HSPA12A: variants seen among roughly 807,000 people sequenced by gnomAD.
HSPA12A encodes the protein heat shock protein family A (Hsp70) member 12A.
A neutral mutation model predicts 69.2 loss-of-function variants in HSPA12A; 28 were observed. The observed-to-expected ratio is 0.40, with a 90% confidence interval of 0.30 to 0.55. The LOEUF is 0.55. Ranked by LOEUF, HSPA12A falls within the 20% of genes least tolerant of loss-of-function variation. The probability of loss-of-function intolerance (pLI) is 0.38; values close to 1 mark genes in which losing one functional copy is unlikely to be tolerated. For missense variants in HSPA12A, 686 were observed against 900.7 expected (o/e 0.76, Z 3.05); for synonymous variants, 345 against 370.5 (o/e 0.93, Z 0.79).
At chr10:116,834,223 G>C (rs1055264604) in intron 2 of HSPA12A, among the ~76,000 whole-genome samples, 8 of 152,204 alleles carry the variant, frequency 5.3e-5, no homozygotes, top group Non-Finnish European at 1.2e-4. Context: ...GGAGGCCCCA[G>C]GCAGCCACAA....
At chr10:116,816,296 G>A (rs1230896407) in intron 2 of HSPA12A, among the ~76,000 whole-genome samples, 1 of 152,314 alleles carries the variant, frequency 6.6e-6, no homozygotes, top group Non-Finnish European at 1.5e-5. Flanking sequence ...AAACATTCCC[G>A]AAACCATTGT....
intron 2 of HSPA12A, among the ~76,000 whole-genome samples, chr10:116,762,913 C>T (rs1844003255): frequency 1.3e-5 from 2 of 152,296 alleles, no homozygotes; most frequent in Admixed American, 6.5e-5. Context: ...GGGCATCCCT[C>T]CTCTGGGAAG....
upstream of HSPA12A, chr10:116,849,867 G>A: frequency 1.9e-6 from 2 of 1,031,274 alleles, no homozygotes. Flanking sequence ...TGCGTGTGCG[G>A]AGGAGACTTC....
At chr10:116,840,161 T>G (rs184398945) in intron 1 of HSPA12A, among the ~76,000 whole-genome samples, 182 of 152,324 alleles carry the variant, frequency 1.2e-3, no homozygotes, top group Middle Eastern at 3.4e-3. Flanking sequence ...CATATCCTGT[T>G]TTGCAGACTT....
intron 2 of HSPA12A, among the ~76,000 whole-genome samples, chr10:116,788,553 C>T (rs1253467096): frequency 3.3e-5 from 5 of 152,152 alleles, no homozygotes; most frequent in African/African-American, 9.7e-5. Context: ...TGATCTGTAG[C>T]TCTTGCTAGC....
At chr10:116,751,176 T>C in intron 2 of HSPA12A, 1 of 236,836 alleles carries the variant, frequency 4.2e-6, no homozygotes, top group Non-Finnish European at 8.9e-6. Context: ...GGCAAAACTG[T>C]CCCAAAATGT....
intron 1 of HSPA12A, among the ~76,000 whole-genome samples, chr10:116,718,963 A>G (rs576704602): frequency 5.3e-5 from 8 of 152,152 alleles, no homozygotes; most frequent in African/African-American, 1.2e-4. Context: ...AATACTTGCT[A>G]CATGCCGGGT....
At position 116,769,451 on chromosome 10, in the gene HSPA12A, G is replaced by A. The variant is rs544795886; in HGVS notation, c.92-62166C>T. Among the ~76,000 whole-genome samples, 5 of 152,286 alleles carry A rather than the reference G, an allele frequency of 3.3e-5. No homozygotes were observed. The East Asian group carries it at 9.7e-4, about 29-fold the overall frequency. On this transcript the variant is annotated intron_variant, in intron 2 of 12. Coordinates refer to the HSPA12A transcript ENST00000635765. ...TCCCATTTTGAGGGCCAGGACTTGG[G>A]GTGAAAGGTCCCCACCTTGAGGGCT...
At chr10:116,814,485 C>CA (rs1845259470) in intron 2 of HSPA12A, among the ~76,000 whole-genome samples, 1 of 152,182 alleles carries the variant, frequency 6.6e-6, no homozygotes, top group African/African-American at 2.4e-5. Context: ...CAAAGATGAA[C>CA]TTTTTCCCCC....
intron 2 of HSPA12A, among the ~76,000 whole-genome samples, chr10:116,777,917 G>T (rs969968325): frequency 6.6e-6 from 1 of 152,044 alleles, no homozygotes; most frequent in Non-Finnish European, 1.5e-5. Context: ...TAGTAGAGAC[G>T]GAGTTTCACC....
At chr10:116,802,399 C>T (rs1844976837) in intron 2 of HSPA12A, among the ~76,000 whole-genome samples, 1 of 152,104 alleles carries the variant, frequency 6.6e-6, no homozygotes, top group Non-Finnish European at 1.5e-5. Flanking sequence ...GATCCCATTT[C>T]CCTAAAATCT....
chr10:116,849,571 A>G, exon 1 of HSPA12A: 1 of 1,540,708 alleles, frequency 6.5e-7, no homozygotes, highest in Non-Finnish European at 8.8e-7. Flanking sequence ...CCTACCATGG[A>G]GGAAGAAGGC....
At chr10:116,791,578 G>C (rs1844700798) in intron 2 of HSPA12A, among the ~76,000 whole-genome samples, 1 of 152,038 alleles carries the variant, frequency 6.6e-6, no homozygotes, top group African/African-American at 2.4e-5. Flanking sequence ...TTATTTTTTA[G>C]CTACATATTA....
chr10:116,770,622 G>C (rs1049779918), intron 2 of HSPA12A, among the ~76,000 whole-genome samples: 1 of 152,158 alleles, frequency 6.6e-6, no homozygotes, highest in African/African-American at 2.4e-5. Flanking sequence ...GCCAGTGGCA[G>C]AGACGCCGAG....
At chr10:116,743,472 A>C (rs782535192), upstream of HSPA12A, among the ~76,000 whole-genome samples, 23 of 152,106 alleles carry the variant, frequency 1.5e-4, no homozygotes, top group Non-Finnish European at 2.9e-4. Context: ...CTGGTGCTTT[A>C]CCTCTATCTC....
At chr10:116,696,136 C>T in intron 5 of HSPA12A, among the ~76,000 whole-genome samples, 1 of 152,050 alleles carries the variant, frequency 6.6e-6, no homozygotes, top group Admixed American at 6.5e-5. Context: ...CACCAGACAC[C>T]AAACCCACTA....
At chr10:116,762,029 C>T (rs1202254216) in intron 2 of HSPA12A, among the ~76,000 whole-genome samples, 1 of 152,304 alleles carries the variant, frequency 6.6e-6, no homozygotes, top group East Asian at 1.9e-4. Context: ...GACGACAGCC[C>T]AGTTTTTTGC....
chr10:116,740,141 C>T (rs1486120569), intron 1 of HSPA12A, among the ~76,000 whole-genome samples: 1 of 152,182 alleles, frequency 6.6e-6, no homozygotes, highest in Non-Finnish European at 1.5e-5. Context: ...GGGCTGTATG[C>T]ACAGGTTGGT....
intron 6 of HSPA12A, among the ~76,000 whole-genome samples, chr10:116,689,544 G>T (rs1202675288): frequency 2.0e-5 from 3 of 152,160 alleles, no homozygotes; most frequent in Non-Finnish European, 1.5e-5. Flanking sequence ...TGAGAACTAT[G>T]TTCTGTGCTC....
Sources: gnomAD v4.1 joint callset for allele counts (sites outside exome capture counted in the v4.1 genomes callset) on GRCh38, gnomAD v4.1.1 for gene constraint, MANE v1.5 for transcripts, NCBI Gene and HGNC (gene_info 2026-07-23, HGNC 2026-07-21) for gene names.